Variants in LRP6 observed in about 807,000 individuals in gnomAD.
LRP6 encodes LDL receptor related protein 6.
In LRP6, 43 loss-of-function variants were observed where a neutral mutation model predicts 184.1. The observed-to-expected ratio is 0.23, with a 90% confidence interval of 0.18 to 0.30. The LOEUF (loss-of-function observed/expected upper bound fraction) is 0.30. Among genes scored for constraint, LRP6 ranks in the 10% least tolerant of loss-of-function variants. LRP6 has a pLI of 1.00. For synonymous variants in LRP6, 719 were observed against 684.9 expected, an observed-to-expected ratio of 1.05 and a Z score of -0.78; for missense variants, 1,571 against 2,005.3, an observed-to-expected ratio of 0.78 and a Z score of 4.14.
At chr12:12,164,955 A>AAAAAAAAG in intron 8 of LRP6, 124 bp downstream of exon 8, 4 of 528,564 alleles carry the variant, frequency 7.6e-6, no homozygotes, top group Non-Finnish European at 9.9e-6. Context: ...AAAAAAAAAA[A>AAAAAAAAG]GGCGGGGGGG....
At chr12:12,172,952 T>G (rs1863083230) in intron 7 of LRP6, among the ~76,000 whole-genome samples, 1 of 152,208 alleles carries the variant, frequency 6.6e-6, no homozygotes, top group South Asian at 2.1e-4. Flanking sequence ...TCTGAGTACA[T>G]ATAAGTGATT....
chr12:12,231,830 C>A (rs1864797617), intron 2 of LRP6, among the ~76,000 whole-genome samples: 1 of 151,754 alleles, frequency 6.6e-6, no homozygotes, highest in African/African-American at 2.4e-5. Flanking sequence ...TCCTGAGCAA[C>A]ATGGTGAAAC....
At chr12:12,257,707 C>G (rs1490832936) in intron 1 of LRP6, among the ~76,000 whole-genome samples, 4 of 129,972 alleles carry the variant, frequency 3.1e-5, no homozygotes, top group African/African-American at 1.2e-4. Context: ...CTTTGGGAAA[C>G]CAAGGCAGGA....
chr12:12,181,301 C>G lies in LRP6; in HGVS notation c.1115G>C (p.Gly372Ala), dbSNP rs1863338542. The change falls in exon 6 of 23, where the codon GGC becomes GCC. Residue 372 changes from glycine to alanine, a missense_variant. Physicochemically the swap from Gly to Ala is moderately conservative, Grantham distance 60 (BLOSUM62 0). Around this residue, in one of 4 missense-constraint regions of LRP6, gnomAD observed 640 missense variants for 851.9 expected, o/e 0.75. Coordinates refer to ENST00000261349, the MANE Select transcript of LRP6 (RefSeq NM_002336.3). Reference sequence around the variant, plus strand: ...TTCATCATCAGTCCAGTAGATGTAGCCTTCCACAGGATCGTAATCTATGGC... The same window carrying G: ...TTCATCATCAGTCCAGTAGATGTAGGCTTCCACAGGATCGTAATCTATGGC... ...AIAIDYDPVEGYIYWTDDEVR... is the reference protein window; with the variant it reads ...AIAIDYDPVEAYIYWTDDEVR... 6.2e-7 allele frequency: 1 copy of G among 1,614,160 alleles called. No individual in the cohort carries two copies. The highest frequency in any genetic ancestry group is 2.2e-5 in the East Asian group (1 of 44,890).
intron 10 of LRP6, 32 bp downstream of exon 10, chr12:12,162,161 G>C: frequency 1.9e-6 from 3 of 1,547,600 alleles, no homozygotes; most frequent in Non-Finnish European, 2.7e-6. Flanking sequence ...GTACACTGCA[G>C]TTGCAAAGAA....
rs938626494 is a variant in LRP6, at chr12:12,187,341, C to A, written c.648-222G>T. On this transcript the variant is annotated intron_variant, in intron 3 of 22. Coordinates refer to ENST00000261349, the MANE Select transcript of LRP6 (RefSeq NM_002336.3). ...CCCCAAACAAGCATTTGGGAATAGTCCCTAACTTGGCAGCAGCCTCAAGTT... is the reference window on the plus strand; with the variant it reads ...CCCCAAACAAGCATTTGGGAATAGTACCTAACTTGGCAGCAGCCTCAAGTT... The A allele has an allele frequency of 7.3e-6, 4 of 550,040 alleles. No homozygotes were observed. The South Asian group carries it at 8.2e-5, about 11-fold the overall frequency. 34.1% of individuals were successfully genotyped at this position (550,040 alleles called of 1,614,324 possible).
rs370858880 is a variant in LRP6 at position 12,164,537 on chromosome 12, G to A, written c.1788C>T (p.Asn596=). 3.4e-5 allele frequency: 55 copies of A among 1,614,056 alleles called. No individual in the cohort carries two copies. Among genetic ancestry groups the A allele is most frequent in the Admixed American group, 6.7e-5 (4 of 60,010 alleles). ...VIGSNPCAEE[N]GGCSHLCLYR... is the part of the protein sequence containing the mutation. ...AGAGGCAGAGATGGCTACATCCCCC[G>A]TTTTCCTCAGCACAGGGGTTGGAAC... is the stretch of plus-strand genomic sequence containing the variant. Residue 596 remains asparagine (N), a synonymous_variant, in exon 9 of 23, where the codon AAC becomes AAT. Transcript: ENST00000261349.
rs753298226 is a variant in LRP6 at position 12,179,993 on chromosome 12, T to C, written c.1374-12A>G. On this transcript the variant is annotated splice_polypyrimidine_tract_variant and intron_variant, in intron 6 of 22. Transcript: ENST00000261349. ...TCCAATACATGTACCTAGAGAAGTA[T>C]ACAAAAAATGAGCTAAAAATAGATA... 1.8e-5 allele frequency: 29 copies of C among 1,609,718 alleles called. No individual in the cohort carries two copies. The highest frequency in any genetic ancestry group is 3.3e-5 in the Admixed American group (2 of 59,944).
Position 12,121,375 on chromosome 12 carries a change from G to A in LRP6, c.4593C>T (p.Pro1531=), listed in dbSNP as rs772094915. 2.6e-5 allele frequency: 42 copies of A among 1,614,042 alleles called. No homozygotes were observed. Among genetic ancestry groups the A allele is most frequent in the Non-Finnish European group, 3.5e-5 (41 of 1,180,034 alleles). ...SYRHFAPPTT[P]CSTDVCDSDY... ...CACTGTCACAAACATCTGTGCTGCA[G>A]GGTGTGGTGGGGGGTGCAAAGTGCC... Residue 1531 remains proline (P), a synonymous_variant, in exon 23 of 23, where the codon CCC becomes CCT. Transcript: ENST00000261349.
intron 10 of LRP6, among the ~76,000 whole-genome samples, chr12:12,160,847 TGA>T (rs2136942106): frequency 6.6e-6 from 1 of 152,342 alleles, no homozygotes; most frequent in South Asian, 2.1e-4. Flanking sequence ...TTGAGACTCT[TGA>T]ATACTGGAAC....
At chr12:12,186,775 CA>C in intron 4 of LRP6, 147 bp downstream of exon 4, 1 of 741,462 alleles carries the variant, frequency 1.3e-6, no homozygotes. Flanking sequence ...TCTCTTGCCT[CA>C]GCCTCCCAAG....
At chr12:12,139,265 A>C (rs1159206916) in intron 15 of LRP6, among the ~76,000 whole-genome samples, 8 of 152,250 alleles carry the variant, frequency 5.3e-5, no homozygotes, top group African/African-American at 1.2e-4. Flanking sequence ...AGTATCAAGG[A>C]AAGTTTCAGG....
At chr12:12,258,303 T>G (rs568342453) in intron 1 of LRP6, among the ~76,000 whole-genome samples, 2 of 152,282 alleles carry the variant, frequency 1.3e-5, no homozygotes, top group African/African-American at 4.8e-5. Context: ...TTTTTATAGA[T>G]GTTTCCCAGG....
At chr12:12,198,282 T>G (rs1863820224) in intron 3 of LRP6, among the ~76,000 whole-genome samples, 1 of 152,182 alleles carries the variant, frequency 6.6e-6, no homozygotes, top group Non-Finnish European at 1.5e-5. Flanking sequence ...TTGCTTTGCT[T>G]TTCTTTCCAA....
In LRP6 at chr12:12,165,243, G is replaced by C. The variant is rs1476333908; in HGVS notation, c.1598C>G (p.Pro533Arg). ...CAACAAAGTAAATCCAAATATGTGA[G>C]GAATTTTGTCTTCCACTAGTACTCG... ...GRRVLVEDKI[P>R]HIFGFTLLGD... Residue 533 changes from proline to arginine, a missense_variant, in exon 8 of 23, where the codon CCT becomes CGT. This residue lies in a region of LRP6 where 640 missense variants were observed against 851.9 expected (regional missense o/e 0.75). Transcript: ENST00000261349. 1 of 1,614,064 alleles carries C rather than the reference G, an allele frequency of 6.2e-7. No homozygotes were observed. The highest frequency in any genetic ancestry group is 1.1e-5 in the South Asian group (1 of 91,074).
chr12:12,133,164 T>C (rs1241323070), intron 17 of LRP6, among the ~76,000 whole-genome samples: 1 of 152,184 alleles, frequency 6.6e-6, no homozygotes, highest in East Asian at 1.9e-4. Flanking sequence ...TTGAATTTGG[T>C]TGGGGATAGA....
intron 2 of LRP6, among the ~76,000 whole-genome samples, chr12:12,221,272 G>C (rs907933700): frequency 6.6e-6 from 1 of 152,176 alleles, no homozygotes; most frequent in African/African-American, 2.4e-5. Flanking sequence ...TGAAGTGTAA[G>C]AGAAAACCCA....
intron 2 of LRP6, among the ~76,000 whole-genome samples, chr12:12,227,870 T>C (rs1321025778): frequency 6.6e-6 from 1 of 152,156 alleles, no homozygotes; most frequent in East Asian, 1.9e-4. Flanking sequence ...GCCAATTCTG[T>C]TGTAAGTCCA....
intron 18 of LRP6, among the ~76,000 whole-genome samples, chr12:12,131,329 C>T (rs1468623596): frequency 2.0e-5 from 3 of 151,672 alleles, no homozygotes; most frequent in African/African-American, 4.8e-5. Flanking sequence ...AGGATGGTCT[C>T]TATCTCCTGA....
Sources: gnomAD v4.1 joint callset for allele counts (sites outside exome capture counted in the v4.1 genomes callset) on GRCh38, gnomAD v4.1.1 for gene constraint, gnomAD v4.1.1 regional missense constraint, MANE v1.5 for transcripts, NCBI Gene and HGNC (gene_info 2026-07-23, HGNC 2026-07-21) for gene names.